The following NAA25 variants were observed in gnomAD, a reference collection of about 807,000 sequenced individuals.
NAA25 encodes N-terminal acetyltransferase B complex subunit NAA25.
A neutral mutation model predicts 132.5 loss-of-function variants in NAA25; 30 were observed. The ratio of observed to expected loss-of-function variants is 0.23; its 90% CI spans 0.17 to 0.31. The LOEUF is 0.31. Among genes scored for constraint, NAA25 ranks in the 10% least tolerant of loss-of-function variants. NAA25 has a pLI of 1.00. For missense variants in NAA25, 771 were observed against 1,150.4 expected, an observed-to-expected ratio of 0.67 and a Z score of 4.77; for synonymous variants, 359 against 401.9, an observed-to-expected ratio of 0.89 and a Z score of 1.28.
chr12:112,043,892 T>G, intron 17 of NAA25, 24 bp from the exon 18 acceptor site: 1 of 1,602,540 alleles, frequency 6.2e-7, no homozygotes, highest in East Asian at 2.2e-5. Context: ...ATCCCCAAAT[T>G]ATCTAACTTA....
At chr12:112,086,312 A>G (rs2079056171) in intron 4 of NAA25, among the ~76,000 whole-genome samples, 1 of 151,354 alleles carries the variant, frequency 6.6e-6, no homozygotes, top group African/African-American at 2.4e-5. Context: ...CCTGGCCAAC[A>G]TGGTAAAACC....
chr12:112,069,369 C>A (rs1199100534), intron 10 of NAA25, among the ~76,000 whole-genome samples: 1 of 151,870 alleles, frequency 6.6e-6, no homozygotes. Flanking sequence ...CTGGGCGTGG[C>A]AGCACATGCT....
At chr12:112,033,749 C>CA (rs201723364) in intron 22 of NAA25, 97 of 143,174 alleles carry the variant, frequency 6.8e-4, no homozygotes, top group Admixed American at 1.5e-3. Context: ...ACTACATTGA[C>CA]AAAAAAAAAA....
intron 2 of NAA25, among the ~76,000 whole-genome samples, chr12:112,092,653 A>G (rs1406233394): frequency 6.6e-6 from 1 of 151,802 alleles, no homozygotes; most frequent in African/African-American, 2.4e-5. Flanking sequence ...AATAGTCACT[A>G]AAGAGATTTA....
intron 10 of NAA25, among the ~76,000 whole-genome samples, chr12:112,069,730 G>A (rs1300259124): frequency 6.6e-6 from 1 of 151,436 alleles, no homozygotes; most frequent in Non-Finnish European, 1.5e-5. Flanking sequence ...TGAGGCAGGA[G>A]AACTGTTTGA....
intron 1 of NAA25, among the ~76,000 whole-genome samples, chr12:112,105,024 T>A (rs1020995213): frequency 8.1e-5 from 12 of 148,072 alleles, no homozygotes; most frequent in East Asian, 2.1e-4. Flanking sequence ...CTTAAAAAAA[T>A]AATAATAATA....
At chr12:112,066,789 G>T (rs2078724827) in intron 11 of NAA25, among the ~76,000 whole-genome samples, 1 of 152,158 alleles carries the variant, frequency 6.6e-6, no homozygotes, top group African/African-American at 2.4e-5. Context: ...TTACTTATCA[G>T]TTGGGGAATG....
intron 21 of NAA25, chr12:112,039,620 C>G (rs2078274095): frequency 4.3e-6 from 1 of 232,746 alleles, no homozygotes; most frequent in South Asian, 1.1e-4. Context: ...CTGTCACTTC[C>G]CTGAAGAAGT....
chr12:112,029,356 A>G lies in NAA25; in HGVS notation c.*175T>C, dbSNP rs1218800911. The G allele has an allele frequency of 4.9e-6, 5 of 1,011,076 alleles. No individual in the cohort carries two copies. The highest frequency in any genetic ancestry group is 1.6e-5 in the African/African-American group (1 of 61,530). 62.6% of individuals were successfully genotyped at this position (1,011,076 alleles called of 1,614,324 possible). On this transcript the variant is annotated 3_prime_UTR_variant, in exon 24 of 24. Coordinates refer to ENST00000261745, the MANE Select transcript of NAA25 (RefSeq NM_024953.4). ...GGGTCCCGCTTCTGGTTTATATACA[A>G]TAATTTAATCAGTTGTATATATTTA...
At chr12:112,069,888 G>A (rs1042901803) in intron 10 of NAA25, among the ~76,000 whole-genome samples, 1 of 151,976 alleles carries the variant, frequency 6.6e-6, no homozygotes, top group Non-Finnish European at 1.5e-5. Flanking sequence ...AGCACTTCGG[G>A]AGGCCAAGGT....
chr12:112,061,386 A>G lies in NAA25; in HGVS notation c.1152T>C (p.Phe384=). The G allele has an allele frequency of 1.2e-6, 2 of 1,613,492 alleles. No homozygotes were observed. Among genetic ancestry groups the G allele is most frequent in the South Asian group, 2.2e-5 (2 of 91,066 alleles). The change falls in exon 12 of 24, where the codon TTT becomes TTC. Residue 384 remains phenylalanine, a splice_region_variant and synonymous_variant. Coordinates refer to ENST00000261745, the MANE Select transcript of NAA25 (RefSeq NM_024953.4). ...GAACAACTCCAAGTAACTGATTAAT[A>G]AACTGCAAAGTGGGGAAAAAAGGAG... ...DLLPATQCTK[F]INQLLGVVPL...
chr12:112,106,655 T>C (rs967021227), intron 1 of NAA25, among the ~76,000 whole-genome samples: 14 of 152,056 alleles, frequency 9.2e-5, no homozygotes, highest in African/African-American at 3.4e-4. Context: ...TCTAGCACAG[T>C]GGTTAAGAAG....
chr12:112,104,697 G>A (rs141780099), intron 1 of NAA25, among the ~76,000 whole-genome samples: 1,633 of 152,130 alleles, frequency 0.011, 27 homozygotes, highest in African/African-American at 0.037. Flanking sequence ...TTAACCTGGC[G>A]TGGTGGCGGG....
In NAA25 at chr12:112,068,651, C is replaced by CA. The variant is rs879850234; in HGVS notation, c.1149+228dup. Among the ~76,000 whole-genome samples the CA allele has an allele frequency of 1.1e-3, 174 of 152,098 alleles. 1 individual carries two copies. Among genetic ancestry groups the CA allele is most frequent in the South Asian group, 1.5e-3 (7 of 4,824 alleles). On this transcript the variant is annotated intron_variant, in intron 11 of 23. Coordinates refer to ENST00000261745, the MANE Select transcript of NAA25 (RefSeq NM_024953.4). ...CATAATTATCTCAAAATAAGACAGTCAAAAAAAGGAGAATCCACCATCTGT... is the reference window on the plus strand; with the variant it reads ...CATAATTATCTCAAAATAAGACAGTCAAAAAAAAGGAGAATCCACCATCTGT...
intron 17 of NAA25, 130 bp downstream of exon 17, chr12:112,047,535 C>A: frequency 8.5e-7 from 1 of 1,173,144 alleles, no homozygotes; most frequent in South Asian, 1.6e-5. Context: ...CCCAGCCCAA[C>A]CTAATTCTTT....
intron 9 of NAA25, among the ~76,000 whole-genome samples, chr12:112,073,943 T>C (rs2078855182): frequency 6.6e-6 from 1 of 150,764 alleles, no homozygotes. Context: ...GAGATCTACA[T>C]GTACCAGAAA....
chr12:112,089,656 T>G lies in NAA25; in HGVS notation c.283+1070A>C, dbSNP rs112984137. ...AGGGAAGCAAGAGAATAAAAAATATTCAGGATAGCGAGTAACTCTTGGTAG... is the reference window on the plus strand; with the variant it reads ...AGGGAAGCAAGAGAATAAAAAATATGCAGGATAGCGAGTAACTCTTGGTAG... On this transcript the variant is annotated intron_variant, in intron 3 of 23. Coordinates refer to ENST00000261745, the MANE Select transcript of NAA25 (RefSeq NM_024953.4). Among the ~76,000 whole-genome samples the G allele has an allele frequency of 2.5e-3, 384 of 152,088 alleles. 4 individuals are homozygous for G. The highest frequency in any genetic ancestry group is 8.7e-3 in the African/African-American group (362 of 41,530).
At position 112,038,851 on chromosome 12, in the gene NAA25, C is replaced by T. The variant is rs374655661; in HGVS notation, c.2649+378G>A. On this transcript the variant is annotated intron_variant, in intron 22 of 23. Coordinates refer to ENST00000261745, the MANE Select transcript of NAA25 (RefSeq NM_024953.4). ...AAAATTAGCCGGGTGTGGTGGCAGG[C>T]GCCTGTAATCCCAGCTACTCGGGAA... 4.1e-4 allele frequency among the ~76,000 whole-genome samples: 62 copies of T among 152,156 alleles called. No homozygotes were observed. The East Asian group carries it at 7.9e-3, about 19-fold the overall frequency.
At chr12:112,078,405 G>C (rs2078923195) in intron 6 of NAA25, 139 bp from the exon 7 acceptor site, 1 of 712,544 alleles carries the variant, frequency 1.4e-6, no homozygotes, top group South Asian at 1.9e-5. Flanking sequence ...GCAGGTAACA[G>C]GATCTTCTCC....
Sources: gnomAD v4.1 joint callset for allele counts (sites outside exome capture counted in the v4.1 genomes callset) on GRCh38, gnomAD v4.1.1 for gene constraint, MANE v1.5 for transcripts, NCBI Gene and HGNC (gene_info 2026-07-23, HGNC 2026-07-21) for gene names.